RPL23: variants seen among roughly 807,000 people sequenced by gnomAD.
The protein encoded by RPL23 is ribosomal protein L23.
For synonymous variants in RPL23, 63 were observed against 65.3 expected (o/e 0.97, Z 0.17); for missense variants, 79 against 178.8 (o/e 0.44, Z 3.18).
chr17:38,851,204 A>G (rs1033591776), intron 3 of RPL23: 1 of 152,240 alleles, frequency 6.6e-6, no homozygotes, highest in African/African-American at 2.4e-5. Flanking sequence ...CTTCACTGAT[A>G]CTAGCATGGG....
chr17:38,853,144 CACAATCTAG>C (rs1362777717), intron 1 of RPL23, 39 bp from the exon 2 acceptor site: 1 of 1,513,298 alleles, frequency 6.6e-7, no homozygotes, highest in East Asian at 2.3e-5. Context: ...ATAAAGAGAT[CACAATCTAG>C]ACATGGTTCG....
Position 38,852,521 on chromosome 17 carries a change from C to T in RPL23, c.226+83G>A, listed in dbSNP as rs914926476. The T allele has an allele frequency of 3.2e-6, 5 of 1,561,722 alleles. No homozygotes were observed. The African/African-American group carries it at 6.8e-5, about 21-fold the overall frequency. ...TCTCAATGGAAAACAAACTTGAGGC[C>T]TTGAAAACTGATCCATTTTCCAATA... On this transcript the variant is annotated intron_variant, in intron 3 of 4. Transcript: ENST00000479035.
rs1912961281 is a variant in RPL23, at chr17:38,850,186, C to T, written c.369G>A (p.Lys123=). 6.2e-7 allele frequency: 1 copy of T among 1,606,678 alleles called. No individual in the cohort carries two copies. The highest frequency in any genetic ancestry group is 1.3e-5 in the African/African-American group (1 of 74,428). The change falls in exon 5 of 5, where the codon AAG becomes AAA. Residue 123 remains lysine (K), a synonymous_variant. Coordinates refer to ENST00000479035, the MANE Select transcript of RPL23 (RefSeq NM_000978.4). ...TCCGGGGCCACAAGTCTGCACACTCCTTTGCTACTGGTCCTGTAATGGCAG... is the reference window on the plus strand; with the variant it reads ...TCCGGGGCCACAAGTCTGCACACTCTTTTGCTACTGGTCCTGTAATGGCAG... The part of the protein sequence containing the change: ...KGSAITGPVA[K]ECADLWPRIA...
chr17:38,852,452 A>G (rs1913030565), intron 3 of RPL23, 152 bp downstream of exon 3: 1 of 903,340 alleles, frequency 1.1e-6, no homozygotes, highest in African/African-American at 1.7e-5. Flanking sequence ...TCCCCCCTCC[A>G]ACACAATATG....
chr17:38,852,935 C>A, intron 2 of RPL23, 87 bp downstream of exon 2: 1 of 1,413,062 alleles, frequency 7.1e-7, no homozygotes, highest in Non-Finnish European at 1.0e-6. Context: ...TTCACTCTCC[C>A]CTTTCTTGAC....
intron 3 of RPL23, 96 bp from the exon 4 acceptor site, chr17:38,850,571 T>C (rs1432932025): frequency 2.9e-5 from 23 of 785,858 alleles, no homozygotes; most frequent in Admixed American, 9.5e-5. Context: ...CACTCAGCGT[T>C]TGAGACAGTG....
rs761007713 is a variant in RPL23, at chr17:38,848,244, A to AT, written c.*1887dup. On this transcript the variant is annotated 3_prime_UTR_variant, in exon 5 of 5. Transcript: ENST00000479035. ...CTCTCTAAAACTAGAGATTTAATAC[A>AT]TTTTTTTTCTTTCCCCCCAGAGTTT... 4.6e-5 allele frequency: 31 copies of AT among 676,682 alleles called. No individual in the cohort carries two copies. The highest frequency in any genetic ancestry group is 1.1e-4 in the South Asian group (2 of 18,920). The allele number at this position is 676,682 out of a possible 1,614,324, so 41.9% of individuals were successfully genotyped here. A position where few individuals can be genotyped will look rare whatever the true frequency, so the allele number is the denominator to read the frequency against.
At position 38,850,217 on chromosome 17, in the gene RPL23, G is replaced by T; in HGVS notation, c.341-3C>A. 1 of 1,589,054 alleles carries T rather than the reference G, an allele frequency of 6.3e-7. No individual in the cohort carries two copies. The highest frequency in any genetic ancestry group is 8.5e-7 in the Non-Finnish European group (1 of 1,170,968). On this transcript the variant is annotated splice_polypyrimidine_tract_variant and splice_region_variant and intron_variant, in intron 4 of 4. Transcript: ENST00000479035. Reference sequence around the variant, plus strand: ...TACTGGTCCTGTAATGGCAGAACCTGCATTAAAAAAATAAAATAAAATAAA... The same window carrying T: ...TACTGGTCCTGTAATGGCAGAACCTTCATTAAAAAAATAAAATAAAATAAA...
Position 38,848,196 on chromosome 17 carries a change from T to TA in RPL23, c.*1935dup. 2 of 946,738 alleles carry TA rather than the reference T, an allele frequency of 2.1e-6. No individual in the cohort carries two copies. The highest frequency in any genetic ancestry group is 2.8e-6 in the Non-Finnish European group (2 of 705,230). The allele number at this position is 946,738 out of a possible 1,614,324, so 58.6% of individuals were successfully genotyped here. ...ACTAAAGCTGACTTGAAATTGACCA[T>TA]ACTCAGGGATGTTATGGTGTAACTC... On this transcript the variant is annotated 3_prime_UTR_variant, in exon 5 of 5. Transcript: ENST00000479035.
intron 3 of RPL23, chr17:38,851,321 C>A (rs1025091049): frequency 6.6e-6 from 1 of 152,110 alleles, no homozygotes; most frequent in Non-Finnish European, 1.5e-5. Flanking sequence ...ACTGACTGAC[C>A]CTCCTCTACT....
Position 38,849,198 on chromosome 17 carries a change from T to G in RPL23, c.*934A>C, listed in dbSNP as rs748125533. On this transcript the variant is annotated 3_prime_UTR_variant, in exon 5 of 5. Coordinates refer to ENST00000479035, the MANE Select transcript of RPL23 (RefSeq NM_000978.4). ...CTTCCACTATGACAGTAAACCTACA[T>G]GGCAATTACTGTTGTTTTATAAATA... The G allele has an allele frequency of 6.6e-6, 1 of 152,228 alleles. No individual in the cohort carries two copies. Among genetic ancestry groups the G allele is most frequent in the Non-Finnish European group, 1.5e-5 (1 of 68,046 alleles). The allele number at this position is 152,228 out of a possible 1,614,324, so 9.4% of individuals were successfully genotyped here. A position where few individuals can be genotyped will look rare whatever the true frequency, so the allele number is the denominator to read the frequency against.
chr17:38,848,221 C>A lies in RPL23; in HGVS notation c.*1911G>T. ...TACTCAGGGATGTTATGGTGTAACTCTCTAAAACTAGAGATTTAATACATT... is the reference window on the plus strand; with the variant it reads ...TACTCAGGGATGTTATGGTGTAACTATCTAAAACTAGAGATTTAATACATT... On this transcript the variant is annotated 3_prime_UTR_variant, in exon 5 of 5. Transcript: ENST00000479035. The A allele has an allele frequency of 1.3e-6, 1 of 762,058 alleles. No homozygotes were observed. Among genetic ancestry groups the A allele is most frequent in the Non-Finnish European group, 1.8e-6 (1 of 550,208 alleles). 47.2% of individuals were successfully genotyped at this position (762,058 alleles called of 1,614,324 possible).
intron 1 of RPL23, 89 bp from the exon 2 acceptor site, chr17:38,853,194 A>G: frequency 6.1e-6 from 6 of 983,504 alleles, no homozygotes; most frequent in South Asian, 5.3e-5. Flanking sequence ...GCTGTAATTC[A>G]CCGCACATGC....
intron 2 of RPL23, 67 bp from the exon 3 acceptor site, chr17:38,852,799 T>C: frequency 1.9e-6 from 3 of 1,609,210 alleles, no homozygotes; most frequent in Non-Finnish European, 2.6e-6. Flanking sequence ...CAGTATAACA[T>C]TTCCCAAACA....
At position 38,849,983 on chromosome 17, in the gene RPL23, C is replaced by G. The variant is rs530681912; in HGVS notation, c.*149G>C. On this transcript the variant is annotated 3_prime_UTR_variant, in exon 5 of 5. Transcript: ENST00000479035. ...AAATACAAAAACTAGCCAGGCATGA[C>G]GGCAGGTGCCTGTAATCCCAGCTAC... The G allele has an allele frequency of 6.9e-6, 4 of 576,518 alleles. No individual in the cohort carries two copies. The highest frequency in any genetic ancestry group is 3.9e-5 in the African/African-American group (2 of 51,768). The allele number at this position is 576,518 out of a possible 1,614,324, so 35.7% of individuals were successfully genotyped here.
At chr17:38,852,762 A>C in intron 2 of RPL23, 30 bp from the exon 3 acceptor site, 1 of 1,613,884 alleles carries the variant, frequency 6.2e-7, no homozygotes, top group Non-Finnish European at 8.5e-7. Context: ...AAAATAAAAA[A>C]TGTTGAGGGC....
chr17:38,852,003 C>T (rs1184400150), intron 3 of RPL23: 3 of 152,178 alleles, frequency 2.0e-5, no homozygotes, highest in Non-Finnish European at 2.9e-5. Flanking sequence ...ATTTTGAGGC[C>T]TCCCCCTTTA....
chr17:38,853,382 G>A (rs1913062267), intron 1 of RPL23: 1 of 707,102 alleles, frequency 1.4e-6, no homozygotes, highest in Non-Finnish European at 2.6e-6. Context: ...AATTACTCCT[G>A]CAAGGCATAA....
intron 1 of RPL23, 119 bp from the exon 2 acceptor site, chr17:38,853,224 T>C: frequency 3.8e-6 from 3 of 780,430 alleles, no homozygotes; most frequent in South Asian, 3.0e-5. Context: ...CTGTACGCTA[T>C]AGATTAGCTC....
Sources: allele counts gnomAD v4.1 joint callset, GRCh38; gene constraint gnomAD v4.1.1; transcripts MANE v1.5; gene names NCBI Gene and HGNC (gene_info 2026-07-23, HGNC 2026-07-21).